The following KTN1 variants were observed in gnomAD, a reference collection of about 807,000 sequenced individuals.
The protein encoded by KTN1 is kinectin.
A neutral mutation model predicts 222.5 loss-of-function variants in KTN1; 130 were observed. The observed-to-expected ratio is 0.58, with a 90% CI of 0.51 to 0.68. The LOEUF (loss-of-function observed/expected upper bound fraction) is 0.68. KTN1 is among the 30% of genes least tolerant of loss of function. The probability of loss-of-function intolerance (pLI) is 0.00; values close to 1 mark genes in which losing one functional copy is unlikely to be tolerated. For missense variants in KTN1, 1,508 were observed against 1,500.4 expected (o/e 1.01, Z -0.08); for synonymous variants, 512 against 496.3 (o/e 1.03, Z -0.42).
chr14:55,596,159 A>AAAAAAAAAAAAAAAAAAAAAAAT (rs2035005157), intron 1 of KTN1, among the ~76,000 whole-genome samples: 1 of 150,968 alleles, frequency 6.6e-6, no homozygotes, highest in Non-Finnish European at 1.5e-5. Flanking sequence ...AATAGCAAAA[A>AAAAAAAAAAAAAAAAAAAAAAAT]AAAAAAAAAA....
At chr14:55,633,670 C>T (rs561540685) in intron 8 of KTN1, among the ~76,000 whole-genome samples, 19 of 152,096 alleles carry the variant, frequency 1.2e-4, no homozygotes, top group African/African-American at 4.6e-4. Flanking sequence ...ATGGAATGGT[C>T]TACAAGCTTA....
rs199963463 is a variant in KTN1, at chr14:55,661,581, A to T, written c.3059A>T (p.Asp1020Val). ...TGGAATGAGTTAGATTCTTTGAAGG[A>T]TGCAGTTGAACACCAGAGGAAGAAA... ...GLWNELDSLK[D>V]AVEHQRKKNN... is the part of the protein sequence containing the mutation. Residue 1020 changes from aspartate to valine, a missense_variant, in exon 32 of 44, where the codon GAT becomes GTT. By Grantham distance (152) the Asp-to-Val change is radical (BLOSUM62 -3). Coordinates refer to ENST00000395314, the MANE Select transcript of KTN1 (RefSeq NM_001079521.2). 138 of 1,598,462 alleles carry T rather than the reference A, an allele frequency of 8.6e-5. No homozygotes were observed. The highest frequency in any genetic ancestry group is 5.9e-5 in the Non-Finnish European group (69 of 1,166,378).
At chr14:55,679,731 G>T in intron 43 of KTN1, 46 bp downstream of exon 43, 1 of 1,581,598 alleles carries the variant, frequency 6.3e-7, no homozygotes, top group Non-Finnish European at 8.7e-7. Flanking sequence ...TTGATGTTAT[G>T]TGTCTGTGTA....
intron 1 of KTN1, among the ~76,000 whole-genome samples, chr14:55,606,622 T>C (rs539992008): frequency 6.6e-6 from 1 of 152,306 alleles, no homozygotes; most frequent in Non-Finnish European, 1.5e-5. Flanking sequence ...AAAATTGTTG[T>C]ATTACTTGAA....
chr14:55,627,903 C>G lies in KTN1; in HGVS notation c.964-9C>G. ...TATTACTAATTCTGCATTGCTTTCT[C>G]AATTGCAGTCAAGTAAGGGAGAATT... On this transcript the variant is annotated splice_polypyrimidine_tract_variant and intron_variant, in intron 5 of 43. Coordinates refer to ENST00000395314, the MANE Select transcript of KTN1 (RefSeq NM_001079521.2). 1 of 1,506,786 alleles carries G rather than the reference C, an allele frequency of 6.6e-7. No individual in the cohort carries two copies. The highest frequency in any genetic ancestry group is 9.2e-7 in the Non-Finnish European group (1 of 1,084,480). The allele number at this position is 1,506,786 out of a possible 1,614,324, so 93.3% of individuals were successfully genotyped here. A position where few individuals can be genotyped will look rare whatever the true frequency, so the allele number is the denominator to read the frequency against.
intron 18 of KTN1, among the ~76,000 whole-genome samples, chr14:55,645,801 G>T (rs571431683): frequency 6.6e-6 from 1 of 152,238 alleles, no homozygotes; most frequent in East Asian, 1.9e-4. Flanking sequence ...TAAGCTGAGG[G>T]CCAAAACTTA....
chr14:55,645,345 A>AGG (rs1175453487), intron 18 of KTN1, among the ~76,000 whole-genome samples: 4 of 152,174 alleles, frequency 2.6e-5, no homozygotes, highest in African/African-American at 9.7e-5. Context: ...CCTAATTATG[A>AGG]AGGGCTTTGT....
In KTN1 at chr14:55,673,249, A is replaced by C; in HGVS notation, c.3765A>C (p.Leu1255=). Residue 1255 remains leucine, a synonymous_variant, in exon 40 of 44, where the codon CTA becomes CTC. Coordinates refer to ENST00000395314, the MANE Select transcript of KTN1 (RefSeq NM_001079521.2). ...YSEAVRQNEE[L]NLLKAQLNET... is the part of the protein sequence containing the mutation. ...AAGCAGTAAGACAGAATGAAGAGCT[A>C]AATTTGGTAAGAAGCTTGTCCTCCA... 1 of 1,608,612 alleles carries C rather than the reference A, an allele frequency of 6.2e-7. No homozygotes were observed. The highest frequency in any genetic ancestry group is 1.3e-5 in the African/African-American group (1 of 74,924).
At chr14:55,672,780 A>G in intron 38 of KTN1, 79 bp downstream of exon 38, 1 of 1,112,676 alleles carries the variant, frequency 9.0e-7, no homozygotes, top group Non-Finnish European at 1.4e-6. Context: ...CTATAGTTTA[A>G]GATTACTTTA....
At chr14:55,602,809 G>A (rs2036179991) in intron 1 of KTN1, among the ~76,000 whole-genome samples, 2 of 152,004 alleles carry the variant, frequency 1.3e-5, no homozygotes, top group African/African-American at 4.8e-5. Flanking sequence ...TTGAACTCTG[G>A]GCTCAAGCAG....
In KTN1 at chr14:55,650,592, T is replaced by C. The variant is rs1186643705; in HGVS notation, c.2520T>C (p.Ala840=). The part of the protein sequence containing the change: ...TVQDLKQEIK[A]LKEEIGNVQL... ...AGGATTTGAAACAGGAAATAAAGGCTCTAAAAGAAGAAATAGGAAATGTCC... is the reference window on the plus strand; with the variant it reads ...AGGATTTGAAACAGGAAATAAAGGCCCTAAAAGAAGAAATAGGAAATGTCC... Residue 840 remains alanine, a synonymous_variant, in exon 24 of 44, where the codon GCT becomes GCC. Transcript: ENST00000395314. The C allele has an allele frequency of 4.3e-6, 7 of 1,612,500 alleles. No individual in the cohort carries two copies. The highest frequency in any genetic ancestry group is 2.2e-5 in the East Asian group (1 of 44,810).
At chr14:55,583,258 G>C (rs2032148507) in intron 1 of KTN1, among the ~76,000 whole-genome samples, 1 of 152,124 alleles carries the variant, frequency 6.6e-6, no homozygotes, top group African/African-American at 2.4e-5. Context: ...AGAGGTGGCA[G>C]TGAAAACTAG....
At position 55,671,888 on chromosome 14, in the gene KTN1, A is replaced by G. The variant is rs199879543; in HGVS notation, c.3531+11A>G. ...AAGACTATTAAACAGGTATTTACAA[A>G]AGAAAAGCTTAGAGCAGTGGTTCTC... On this transcript the variant is annotated intron_variant, in intron 37 of 43. Coordinates refer to ENST00000395314, the MANE Select transcript of KTN1 (RefSeq NM_001079521.2). 1.1e-5 allele frequency: 16 copies of G among 1,488,034 alleles called. No individual in the cohort carries two copies. The East Asian group carries it at 3.6e-4, about 34-fold the overall frequency. The allele number at this position is 1,488,034 out of a possible 1,614,324, so 92.2% of individuals were successfully genotyped here.
chr14:55,586,591 A>T (rs1228001069), intron 1 of KTN1, among the ~76,000 whole-genome samples: 2 of 152,176 alleles, frequency 1.3e-5, no homozygotes, highest in Non-Finnish European at 2.9e-5. Flanking sequence ...GAGCTGTTTT[A>T]TAAGAATGCT....
Position 55,612,301 on chromosome 14 carries a change from A to G in KTN1, c.253A>G (p.Lys85Glu), listed in dbSNP as rs963859175. Residue 85 changes from lysine to glutamate, a missense_variant, in exon 2 of 44, where the codon AAA becomes GAA. By Grantham distance (56) the Lys-to-Glu change is moderately conservative (BLOSUM62 1). Coordinates refer to ENST00000395314, the MANE Select transcript of KTN1 (RefSeq NM_001079521.2). Reference protein sequence around the residue: ...SDSESVPRDFKLSDALAVEDD... With the variant: ...SDSESVPRDFELSDALAVEDD... ...CTCTGAGAGTGTACCTCGAGACTTT[A>G]AATTATCAGATGCTTTGGCAGTAGA... 3.1e-5 allele frequency: 50 copies of G among 1,613,430 alleles called. No individual in the cohort carries two copies. Among genetic ancestry groups the G allele is most frequent in the Non-Finnish European group, 4.2e-5 (49 of 1,179,920 alleles).
At chr14:55,616,704 A>C in intron 3 of KTN1, 50 bp downstream of exon 3, 1 of 1,479,224 alleles carries the variant, frequency 6.8e-7, no homozygotes, top group African/African-American at 1.4e-5. Context: ...AGAGAAGTAC[A>C]CCAGCACAAG....
chr14:55,596,600 A>C (rs954563266), intron 1 of KTN1, among the ~76,000 whole-genome samples: 1 of 152,172 alleles, frequency 6.6e-6, no homozygotes, highest in Non-Finnish European at 1.5e-5. Context: ...TGCAATCACA[A>C]ATTTTGAAGG....
chr14:55,673,311 C>T (rs115807031), intron 40 of KTN1, 56 bp downstream of exon 40: 1 of 1,138,308 alleles, frequency 8.8e-7, no homozygotes, highest in African/African-American at 1.6e-5. Context: ...ACTTTATTGA[C>T]ATGTGGAGAA....
At position 55,672,651 on chromosome 14, in the gene KTN1, T is replaced by C. The variant is rs1483439834; in HGVS notation, c.3553T>C (p.Ser1185Pro). ...IKQMQSSFTS[S>P]EQELERLRSE... ...TCAGATGCAGTCATCATTTACATCT[T>C]CAGAACAAGAGCTAGAGCGATTAAG... Residue 1185 changes from serine (S) to proline (P), a missense_variant, in exon 38 of 44, where the codon TCA becomes CCA. Coordinates refer to ENST00000395314, the MANE Select transcript of KTN1 (RefSeq NM_001079521.2). The C allele has an allele frequency of 6.2e-7, 1 of 1,607,332 alleles. No individual in the cohort carries two copies. Among genetic ancestry groups the C allele is most frequent in the Non-Finnish European group, 8.5e-7 (1 of 1,174,556 alleles).
Sources: allele counts gnomAD v4.1 joint callset (sites outside exome capture counted in the v4.1 genomes callset), GRCh38; gene constraint gnomAD v4.1.1; transcripts MANE v1.5; gene names NCBI Gene and HGNC (gene_info 2026-07-23, HGNC 2026-07-21).